The following PMS1 variants were observed in gnomAD, a reference collection of about 807,000 sequenced individuals.
PMS1 encodes the protein PMS1 protein homolog 1.
In PMS1, 79 loss-of-function variants were observed where a neutral mutation model predicts 93.1. The ratio of observed to expected loss-of-function variants is 0.85; its 90% CI spans 0.71 to 1.02. PMS1 has a LOEUF of 1.02. Among genes scored for constraint, PMS1 ranks in the 50% least tolerant of loss-of-function variants. The pLI, the probability that PMS1 is intolerant of heterozygous loss-of-function variation, is 0.00. For missense variants in PMS1, 1,064 were observed against 1,085.3 expected (o/e 0.98, Z 0.28); for synonymous variants, 335 against 363.4 (o/e 0.92, Z 0.89).
chr2:189,803,801 T>C (rs2050100004), intron 3 of PMS1, among the ~76,000 whole-genome samples: 1 of 152,250 alleles, frequency 6.6e-6, no homozygotes, highest in Non-Finnish European at 1.5e-5. Context: ...TAGCCATGAA[T>C]TGCAAAGCAT....
intron 5 of PMS1, among the ~76,000 whole-genome samples, chr2:189,834,880 C>T (rs1043304563): frequency 6.6e-6 from 1 of 151,912 alleles, no homozygotes; most frequent in African/African-American, 2.4e-5. Flanking sequence ...CAGGTGCATG[C>T]CACCATAACT....
At chr2:189,852,624 T>G (rs1212826115) in intron 6 of PMS1, 31 bp from the exon 7 acceptor site, 17 of 1,594,658 alleles carry the variant, frequency 1.1e-5, no homozygotes, top group Non-Finnish European at 1.4e-5. Context: ...ACTACATTGT[T>G]GACATTGCAT....
chr2:189,866,984 TATA>T (rs1398897821), intron 10 of PMS1, among the ~76,000 whole-genome samples: 1 of 152,196 alleles, frequency 6.6e-6, no homozygotes, highest in Non-Finnish European at 1.5e-5. Flanking sequence ...CTCTCTTCTC[TATA>T]ATATTAGCTC....
At chr2:189,832,650 A>G (rs1166993294) in intron 5 of PMS1, among the ~76,000 whole-genome samples, 1 of 152,134 alleles carries the variant, frequency 6.6e-6, no homozygotes, top group African/African-American at 2.4e-5. Flanking sequence ...TATTTTTAGT[A>G]GAGACCGGGT....
intron 3 of PMS1, among the ~76,000 whole-genome samples, chr2:189,797,501 T>A (rs2049465748): frequency 6.6e-6 from 1 of 152,186 alleles, no homozygotes; most frequent in Admixed American, 6.5e-5. Context: ...ACTATTACCC[T>A]GTGGATGTTG....
At chr2:189,808,522 G>T (rs935324150) in intron 4 of PMS1, among the ~76,000 whole-genome samples, 1 of 151,902 alleles carries the variant, frequency 6.6e-6, no homozygotes, top group African/African-American at 2.4e-5. Context: ...GTAGAGACAG[G>T]GTTTTGCCGT....
At chr2:189,792,966 C>T (rs904009036) in intron 2 of PMS1, among the ~76,000 whole-genome samples, 5 of 151,916 alleles carry the variant, frequency 3.3e-5, no homozygotes, top group East Asian at 1.9e-4. Flanking sequence ...CCTGTTACCA[C>T]GCCTGGCAAA....
intron 5 of PMS1, among the ~76,000 whole-genome samples, chr2:189,835,981 T>C (rs1295024698): frequency 1.3e-5 from 2 of 151,894 alleles, no homozygotes; most frequent in African/African-American, 4.8e-5. Flanking sequence ...AAATATGAGC[T>C]TAGTACATCT....
chr2:189,866,124 T>C (rs2056637731), intron 10 of PMS1, among the ~76,000 whole-genome samples: 1 of 152,152 alleles, frequency 6.6e-6, no homozygotes, highest in South Asian at 2.1e-4. Context: ...ATTCAAACAG[T>C]TTAAACATCT....
chr2:189,815,624 CTG>C (rs1461694683), intron 4 of PMS1, among the ~76,000 whole-genome samples: 1 of 152,216 alleles, frequency 6.6e-6, no homozygotes, highest in Non-Finnish European at 1.5e-5. Context: ...CCATGTGGAA[CTG>C]TGAGTCAATT....
intron 4 of PMS1, 79 bp downstream of exon 4, chr2:189,805,833 G>GTGAATACAAATATATTGCTTTGGGCT (rs1559232579): frequency 1.3e-6 from 2 of 1,582,060 alleles, no homozygotes; most frequent in Admixed American, 1.8e-5. Context: ...AAGTTACTCG[G>GTGAATACAAATATATTGCTTTGGGCT]TGAATACAAA....
chr2:189,862,383 T>C (rs1421528658), intron 9 of PMS1, among the ~76,000 whole-genome samples: 1 of 152,194 alleles, frequency 6.6e-6, no homozygotes, highest in Non-Finnish European at 1.5e-5. Context: ...TTTCTCATTA[T>C]GATAATCTTT....
chr2:189,792,516 T>C (rs1228715539), intron 2 of PMS1, among the ~76,000 whole-genome samples: 23 of 151,860 alleles, frequency 1.5e-4, no homozygotes. Context: ...TCTGATTGAA[T>C]GTAAGAATAC....
At chr2:189,839,371 A>G (rs1005438796) in intron 5 of PMS1, among the ~76,000 whole-genome samples, 2 of 152,292 alleles carry the variant, frequency 1.3e-5, no homozygotes. Context: ...TTTTTCTAAT[A>G]TCTATCTCTG....
rs1299594907 is a variant in PMS1 at position 189,877,259 on chromosome 2, T to C, written c.2635-13T>C. On this transcript the variant is annotated splice_polypyrimidine_tract_variant and intron_variant, in intron 12 of 12. Coordinates refer to ENST00000441310, the MANE Select transcript of PMS1 (RefSeq NM_000534.5). ...TATATCATGGTAAAATGTGTGACTT[T>C]CCCTTTGGACAGGGAGAAGCAGTGC... The C allele has an allele frequency of 6.2e-7, 1 of 1,612,224 alleles. No homozygotes were observed. The highest frequency in any genetic ancestry group is 1.7e-5 in the Admixed American group (1 of 59,984).
intron 3 of PMS1, 45 bp from the exon 4 acceptor site, chr2:189,805,607 G>C: frequency 7.1e-7 from 1 of 1,402,932 alleles, no homozygotes; most frequent in Non-Finnish European, 1.0e-6. Flanking sequence ...TGAACCCATC[G>C]CAATATCTAA....
chr2:189,796,498 T>C (rs993815319), intron 3 of PMS1, among the ~76,000 whole-genome samples: 2 of 152,234 alleles, frequency 1.3e-5, no homozygotes, highest in Admixed American at 1.3e-4. Flanking sequence ...CTTTTCATTA[T>C]TTCAAACTCT....
chr2:189,817,214 A>G (rs2051389688), intron 4 of PMS1, among the ~76,000 whole-genome samples: 1 of 152,220 alleles, frequency 6.6e-6, no homozygotes, highest in South Asian at 2.1e-4. Flanking sequence ...GAGAAGCACT[A>G]CACTATAAAT....
intron 9 of PMS1, among the ~76,000 whole-genome samples, chr2:189,863,413 C>CT (rs2056243920): frequency 1.3e-5 from 2 of 152,192 alleles, no homozygotes; most frequent in Non-Finnish European, 2.9e-5. Flanking sequence ...ACCAACATGC[C>CT]TGGCTAACTT....
Sources: gnomAD v4.1 joint callset for allele counts (sites outside exome capture counted in the v4.1 genomes callset) on GRCh38, gnomAD v4.1.1 for gene constraint, MANE v1.5 for transcripts, NCBI Gene and HGNC (gene_info 2026-07-23, HGNC 2026-07-21) for gene names.